The following SPOCK1 variants were observed in gnomAD, a reference collection of about 807,000 sequenced individuals.
SPOCK1 encodes SPARC (osteonectin), cwcv and kazal like domains proteoglycan 1, also known as testican-1.
In SPOCK1, 23 loss-of-function variants were observed where a neutral mutation model predicts 55.3. That is an observed-to-expected ratio of 0.42 (90% CI 0.30 to 0.59). The LOEUF is 0.59. Among genes scored for constraint, SPOCK1 ranks in the 20% least tolerant of loss-of-function variants. The pLI is 0.22. For missense variants in SPOCK1, 499 were observed against 552.5 expected, an observed-to-expected ratio of 0.90 and a Z score of 0.97; for synonymous variants, 226 against 221.0, an observed-to-expected ratio of 1.02 and a Z score of -0.20.
chr5:137,323,913 A>G (rs371279612), intron 2 of SPOCK1, among the ~76,000 whole-genome samples: 1 of 150,392 alleles, frequency 6.6e-6, no homozygotes, highest in Non-Finnish European at 1.5e-5. Flanking sequence ...AAAACAGCAT[A>G]GAGGGTCCTC....
chr5:137,019,681 A>T (rs944872189), intron 6 of SPOCK1, among the ~76,000 whole-genome samples: 6 of 152,088 alleles, frequency 3.9e-5, no homozygotes, highest in Non-Finnish European at 8.8e-5. Context: ...CAAACAAAAA[A>T]TAGATATTTT....
intron 2 of SPOCK1, among the ~76,000 whole-genome samples, chr5:137,354,575 G>A (rs868395775): frequency 3.3e-5 from 5 of 152,172 alleles, no homozygotes; most frequent in African/African-American, 7.2e-5. Flanking sequence ...CTCTCATGGT[G>A]CAGTTTTACA....
rs77853097 is a variant in SPOCK1, at chr5:137,103,679, T to C, written c.474+8756A>G. Among the ~76,000 whole-genome samples, 71 of 152,374 alleles carry C rather than the reference T, an allele frequency of 4.7e-4. 2 individuals carry two copies. The East Asian group carries it at 0.014, about 29-fold the overall frequency. ...TAAGCCTCTGTTTAATTTGGGTTTT[T>C]GTTATAGCAGCTACAACCTATATCC... On this transcript the variant is annotated intron_variant, in intron 5 of 10. Transcript: ENST00000394945.
chr5:137,363,375 C>T (rs2127167215), intron 2 of SPOCK1, among the ~76,000 whole-genome samples: 1 of 152,342 alleles, frequency 6.6e-6, no homozygotes, highest in South Asian at 2.1e-4. Context: ...TAAATATTGG[C>T]TTACACATCC....
At chr5:137,173,981 G>T (rs768242102) in intron 3 of SPOCK1, among the ~76,000 whole-genome samples, 22 of 152,198 alleles carry the variant, frequency 1.4e-4, no homozygotes, top group Non-Finnish European at 2.8e-4. Flanking sequence ...AGGAAAACTA[G>T]CGCTAACTTA....
At chr5:137,162,515 G>C (rs945029764) in intron 3 of SPOCK1, among the ~76,000 whole-genome samples, 1 of 151,972 alleles carries the variant, frequency 6.6e-6, no homozygotes, top group Admixed American at 6.6e-5. Context: ...TCCCTGCCTC[G>C]GTAGTCATTT....
intron 2 of SPOCK1, among the ~76,000 whole-genome samples, chr5:137,482,143 A>G (rs1206461327): frequency 6.6e-6 from 1 of 152,224 alleles, no homozygotes; most frequent in African/African-American, 2.4e-5. Context: ...AGGGAAGGGG[A>G]AACTGCAGAA....
rs1426313258 is a variant in SPOCK1 at position 137,459,198 on chromosome 5, AC to A, written c.186+39174del. ...TAGTCTTCTGCGAGCTAAAAACAAG[AC>A]CTATTATTGAATTCAAGAGCAGGGG... is the stretch of plus-strand genomic sequence containing the variant. On this transcript the variant is annotated intron_variant, in intron 2 of 10. Coordinates refer to ENST00000394945, the MANE Select transcript of SPOCK1 (RefSeq NM_004598.4). Among the ~76,000 whole-genome samples, 8 of 151,966 alleles carry A rather than the reference AC, an allele frequency of 5.3e-5. No individual in the cohort carries two copies. In the South Asian group the frequency reaches 1.5e-3, roughly 28 times the overall value.
In SPOCK1 at chr5:136,977,064, T is replaced by C. The variant is rs1223883938; in HGVS notation, c.*1590A>G. Reference sequence around the variant, plus strand: ...AGATATGTGGGCCAGAGAGGCTTGCTTGGGTGGCTGATTCTGATTAGGACA... The same window carrying C: ...AGATATGTGGGCCAGAGAGGCTTGCCTGGGTGGCTGATTCTGATTAGGACA... On this transcript the variant is annotated 3_prime_UTR_variant, in exon 11 of 11. Coordinates refer to ENST00000394945, the MANE Select transcript of SPOCK1 (RefSeq NM_004598.4). 1 of 152,286 alleles carries C rather than the reference T, an allele frequency of 6.6e-6. No homozygotes were observed. The highest frequency in any genetic ancestry group is 1.9e-4 in the East Asian group (1 of 5,190). 9.4% of individuals were successfully genotyped at this position (152,286 alleles called of 1,614,324 possible).
intron 2 of SPOCK1, among the ~76,000 whole-genome samples, chr5:137,440,502 A>T (rs1752976679): frequency 6.6e-6 from 1 of 152,232 alleles, no homozygotes; most frequent in Non-Finnish European, 1.5e-5. Context: ...AAATCTGATT[A>T]TGTCAAGGGT....
At chr5:137,182,917 G>A (rs780827416) in intron 3 of SPOCK1, among the ~76,000 whole-genome samples, 20 of 152,268 alleles carry the variant, frequency 1.3e-4, no homozygotes, top group African/African-American at 3.4e-4. Context: ...GTAAAGGAGC[G>A]TGGATGGGTT....
In SPOCK1 at chr5:136,988,421, C is replaced by A; in HGVS notation, c.928+1G>T. 6.2e-7 allele frequency: 1 copy of A among 1,613,040 alleles called. No homozygotes were observed. The highest frequency in any genetic ancestry group is 8.5e-7 in the Non-Finnish European group (1 of 1,179,070). On this transcript the variant is annotated splice_donor_variant, in intron 8 of 10. Coordinates refer to ENST00000394945, the MANE Select transcript of SPOCK1 (RefSeq NM_004598.4). LOFTEE classifies it high-confidence loss of function. ...GACCCCAACCCTCCATCCCACCTTA[C>A]CTCCAGGCTTCTGGAAGCAGTAGCA...
chr5:137,110,386 ATCT>A (rs1753444978), intron 5 of SPOCK1, among the ~76,000 whole-genome samples: 2 of 152,222 alleles, frequency 1.3e-5, no homozygotes, highest in African/African-American at 4.8e-5. Context: ...CAGACCTGTC[ATCT>A]CAGAATCTGC....
chr5:137,156,189 C>A (rs1257827694), intron 3 of SPOCK1, among the ~76,000 whole-genome samples: 2 of 152,020 alleles, frequency 1.3e-5, no homozygotes, highest in South Asian at 4.2e-4. Flanking sequence ...GTGGGGAGGG[C>A]CCATAGCAAT....
chr5:137,383,915 C>G (rs891292841), intron 2 of SPOCK1, among the ~76,000 whole-genome samples: 1 of 152,324 alleles, frequency 6.6e-6, no homozygotes, highest in African/African-American at 2.4e-5. Context: ...TCAGCCCAAC[C>G]AAGGTCACTG....
At chr5:137,011,579 C>T (rs1751349202) in intron 6 of SPOCK1, among the ~76,000 whole-genome samples, 1 of 152,116 alleles carries the variant, frequency 6.6e-6, no homozygotes, top group African/African-American at 2.4e-5. Flanking sequence ...TTAAAACATC[C>T]CTGAAATTTA....
chr5:137,273,589 T>C (rs747440006), intron 2 of SPOCK1, among the ~76,000 whole-genome samples: 1 of 152,196 alleles, frequency 6.6e-6, no homozygotes, highest in Non-Finnish European at 1.5e-5. Flanking sequence ...GGAAAGGACA[T>C]GAGGTTATGG....
chr5:137,042,677 G>C (rs1379363364), intron 6 of SPOCK1, among the ~76,000 whole-genome samples: 1 of 152,118 alleles, frequency 6.6e-6, no homozygotes, highest in African/African-American at 2.4e-5. Context: ...AAAGAATTAA[G>C]TAAATGGATA....
intron 2 of SPOCK1, among the ~76,000 whole-genome samples, chr5:137,283,734 CA>C (rs367776461): frequency 5.0e-4 from 69 of 138,906 alleles, no homozygotes; most frequent in Admixed American, 2.0e-3. Flanking sequence ...ATGAAACAAA[CA>C]AAAAAAAAAA....
Sources: gnomAD v4.1 joint callset for allele counts (sites outside exome capture counted in the v4.1 genomes callset) on GRCh38, gnomAD v4.1.1 for gene constraint, MANE v1.5 for transcripts, NCBI Gene and HGNC (gene_info 2026-07-23, HGNC 2026-07-21) for gene names.